The following HHAT variants were observed in gnomAD, a reference collection of about 807,000 sequenced individuals.
HHAT encodes protein-cysteine N-palmitoyltransferase HHAT.
A neutral mutation model predicts 70.8 loss-of-function variants in HHAT; 47 were observed. That is an observed-to-expected ratio of 0.66 (90% CI 0.53 to 0.85). The LOEUF (loss-of-function observed/expected upper bound fraction) is 0.85, where lower values mean the gene tolerates loss of function less well. HHAT is among the 40% of genes least tolerant of loss of function. HHAT has a pLI of 0.00. For synonymous variants in HHAT, 228 were observed against 247.6 expected, an observed-to-expected ratio of 0.92 and a Z score of 0.74; for missense variants, 609 against 604.8, an observed-to-expected ratio of 1.01 and a Z score of -0.07.
intron 9 of HHAT, among the ~76,000 whole-genome samples, chr1:210,532,799 A>C (rs2148638597): frequency 6.6e-6 from 1 of 152,354 alleles, no homozygotes; most frequent in East Asian, 1.9e-4. Context: ...ACATAATTAG[A>C]ATGATTAAAC....
intron 9 of HHAT, among the ~76,000 whole-genome samples, chr1:210,543,466 G>A (rs2095451626): frequency 1.3e-5 from 2 of 151,754 alleles, no homozygotes; most frequent in South Asian, 2.1e-4. Flanking sequence ...TGTAATCCCA[G>A]CATTCTGAGA....
intron 9 of HHAT, among the ~76,000 whole-genome samples, chr1:210,584,792 T>C (rs575569139): frequency 2.6e-5 from 4 of 152,338 alleles, no homozygotes; most frequent in South Asian, 4.1e-4. Context: ...TTGTACCATG[T>C]CACATAGCTT....
rs766304608 is a variant in HHAT at position 210,387,509 on chromosome 1, G to A, written c.201G>A (p.Gly67=). Reference sequence around the variant, plus strand: ...AGTGGAGCTTCTGGATGGAATGGGGGAAGCAGTGGCTGGTGTGGCTTCTCC... The same window carrying A: ...AGTGGAGCTTCTGGATGGAATGGGGAAAGCAGTGGCTGGTGTGGCTTCTCC... The part of the protein sequence containing the change: ...DFEWSFWMEW[G]KQWLVWLLLG... Residue 67 remains glycine (G), a synonymous_variant, in exon 4 of 12, where the codon GGG becomes GGA. Coordinates refer to ENST00000261458, the MANE Select transcript of HHAT (RefSeq NM_018194.6). 2 of 1,614,154 alleles carry A rather than the reference G, an allele frequency of 1.2e-6. No individual in the cohort carries two copies. The highest frequency in any genetic ancestry group is 1.7e-6 in the Non-Finnish European group (2 of 1,180,022).
intron 9 of HHAT, among the ~76,000 whole-genome samples, chr1:210,529,043 G>A (rs767681552): frequency 1.3e-5 from 2 of 152,154 alleles, no homozygotes; most frequent in Non-Finnish European, 2.9e-5. Context: ...GGTGGCTCAC[G>A]CTGGTAATCC....
intron 11 of HHAT, among the ~76,000 whole-genome samples, chr1:210,666,789 T>C (rs568409041): frequency 2.6e-5 from 4 of 151,712 alleles, no homozygotes; most frequent in Non-Finnish European, 5.9e-5. Context: ...TGGCCTACCA[T>C]CATTTTAAAA....
intron 2 of HHAT, among the ~76,000 whole-genome samples, chr1:210,359,516 G>T (rs2088017316): frequency 6.6e-6 from 1 of 151,982 alleles, no homozygotes; most frequent in Non-Finnish European, 1.5e-5. Context: ...TGATCTTGCG[G>T]CTCCCACTCA....
chr1:210,496,865 C>A (rs181876610), intron 8 of HHAT, among the ~76,000 whole-genome samples: 74 of 152,306 alleles, frequency 4.9e-4, no homozygotes, highest in South Asian at 1.2e-3. Flanking sequence ...GTACTAATGT[C>A]CTTTCAGAAT....
At chr1:210,332,789 C>A (rs557363148) in intron 1 of HHAT, among the ~76,000 whole-genome samples, 1 of 152,208 alleles carries the variant, frequency 6.6e-6, no homozygotes, top group Non-Finnish European at 1.5e-5. Flanking sequence ...TGTGAGTCAC[C>A]TGTTGCAATG....
chr1:210,617,557 G>C (rs191164302), intron 10 of HHAT, among the ~76,000 whole-genome samples: 2 of 152,166 alleles, frequency 1.3e-5, no homozygotes, highest in Non-Finnish European at 2.9e-5. Flanking sequence ...AGGAACCCAG[G>C]CACCCCAAAC....
intron 9 of HHAT, among the ~76,000 whole-genome samples, chr1:210,519,826 C>CTTTTTTTT (rs561537666): frequency 8.6e-5 from 11 of 127,260 alleles, no homozygotes; most frequent in Non-Finnish European, 9.9e-5. Flanking sequence ...CCACACTTGG[C>CTTTTTTTT]TTTTTTTTTT....
chr1:210,607,303 CTG>C (rs1665671290), intron 10 of HHAT, among the ~76,000 whole-genome samples: 1 of 152,192 alleles, frequency 6.6e-6, no homozygotes, highest in South Asian at 2.1e-4. Flanking sequence ...CATTTTTTAT[CTG>C]TGAATGTGTA....
chr1:210,671,690 AAG>A (rs938750957), intron 11 of HHAT, among the ~76,000 whole-genome samples: 44 of 152,326 alleles, frequency 2.9e-4, no homozygotes, highest in Admixed American at 1.7e-3. Flanking sequence ...AGAGGTAAGG[AAG>A]AGTTCCTGCC....
At chr1:210,608,420 G>A (rs552550419) in intron 10 of HHAT, among the ~76,000 whole-genome samples, 186 of 152,198 alleles carry the variant, frequency 1.2e-3, no homozygotes, top group African/African-American at 4.3e-3. Flanking sequence ...ATTCTGTTGC[G>A]TTGATCTAGT....
At chr1:210,432,449 A>C (rs1266807561) in intron 7 of HHAT, among the ~76,000 whole-genome samples, 2 of 151,922 alleles carry the variant, frequency 1.3e-5, no homozygotes, top group African/African-American at 4.9e-5. Flanking sequence ...GATTTAAGAG[A>C]GTCTTTCATT....
intron 11 of HHAT, among the ~76,000 whole-genome samples, chr1:210,659,650 A>T (rs1187863625): frequency 6.6e-6 from 1 of 152,248 alleles, no homozygotes; most frequent in East Asian, 1.9e-4. Context: ...CCTGATGAAC[A>T]TTGATTTGAA....
intron 9 of HHAT, among the ~76,000 whole-genome samples, chr1:210,566,887 G>A (rs1360691942): frequency 6.6e-6 from 1 of 152,212 alleles, no homozygotes; most frequent in African/African-American, 2.4e-5. Context: ...AAGGAAGAGG[G>A]TCCACTGAGC....
chr1:210,349,975 C>T (rs1467582129), intron 2 of HHAT, among the ~76,000 whole-genome samples: 6 of 152,166 alleles, frequency 3.9e-5, no homozygotes, highest in Non-Finnish European at 7.3e-5. Context: ...AGTGCACCAC[C>T]ATGCCTGGCT....
At chr1:210,373,890 C>A (rs943144629) in intron 3 of HHAT, among the ~76,000 whole-genome samples, 30 of 152,210 alleles carry the variant, frequency 2.0e-4, no homozygotes, top group Non-Finnish European at 4.4e-5. Context: ...TAAAGGCCAT[C>A]ACTTAAGGGG....
At chr1:210,380,724 C>T (rs1256362505) in intron 3 of HHAT, among the ~76,000 whole-genome samples, 1 of 151,986 alleles carries the variant, frequency 6.6e-6, no homozygotes, top group Non-Finnish European at 1.5e-5. Flanking sequence ...AAGATATGTC[C>T]TCATTCACAT....
Sources: gnomAD v4.1 joint callset for allele counts (sites outside exome capture counted in the v4.1 genomes callset) on GRCh38, gnomAD v4.1.1 for gene constraint, MANE v1.5 for transcripts, NCBI Gene and HGNC (gene_info 2026-07-23, HGNC 2026-07-21) for gene names.